The following MYLK variants were observed in gnomAD, a reference collection of about 807,000 sequenced individuals.
MYLK encodes myosin light chain kinase.
In MYLK, 106 loss-of-function variants were observed where a neutral mutation model predicts 203.4. The ratio of observed to expected loss-of-function variants is 0.52; its 90% CI spans 0.45 to 0.61. The LOEUF is 0.61. Among genes scored for constraint, MYLK ranks in the 20% least tolerant of loss-of-function variants. MYLK has a pLI of 0.00. For synonymous variants in MYLK, 867 were observed against 959.5 expected (o/e 0.90, Z 1.78); for missense variants, 2,072 against 2,442.3 (o/e 0.85, Z 3.20).
chr3:123,876,184 A>AT (rs920326603), intron 2 of MYLK, among the ~76,000 whole-genome samples: 18 of 150,412 alleles, frequency 1.2e-4, no homozygotes, highest in East Asian at 5.8e-4. Flanking sequence ...TCACTGGGGT[A>AT]TTTTTTTTTT....
At chr3:123,710,384 C>T (rs368351617) in intron 13 of MYLK, among the ~76,000 whole-genome samples, 225 of 152,204 alleles carry the variant, frequency 1.5e-3, no homozygotes, top group Non-Finnish European at 2.3e-3. Context: ...AATGAAAGCA[C>T]GTTACACAAA....
intron 13 of MYLK, among the ~76,000 whole-genome samples, chr3:123,718,051 G>A (rs1041479080): frequency 6.6e-6 from 1 of 151,848 alleles, no homozygotes; most frequent in African/African-American, 2.4e-5. Flanking sequence ...TTGTGGAGAC[G>A]GTGTGTTGCC....
chr3:123,870,482 C>A (rs1406360508), intron 2 of MYLK, among the ~76,000 whole-genome samples: 2 of 152,230 alleles, frequency 1.3e-5, no homozygotes, highest in African/African-American at 4.8e-5. Flanking sequence ...GTGGCCCTAC[C>A]CCTGAGAAGC....
intron 20 of MYLK, among the ~76,000 whole-genome samples, chr3:123,678,168 C>T (rs1576520510): frequency 6.6e-6 from 1 of 151,924 alleles, no homozygotes; most frequent in African/African-American, 2.4e-5. Flanking sequence ...AGTGCACAGG[C>T]ACTCGGTAGA....
chr3:123,735,102 C>T (rs2108798223), intron 9 of MYLK: 2 of 431,818 alleles, frequency 4.6e-6, no homozygotes, highest in South Asian at 4.3e-5. Context: ...GGAAGGCGGC[C>T]TTCTCAGAGC....
intron 4 of MYLK, among the ~76,000 whole-genome samples, chr3:123,791,910 T>G (rs970550695): frequency 2.0e-5 from 3 of 152,232 alleles, no homozygotes; most frequent in African/African-American, 7.2e-5. Context: ...ATGAAGTACT[T>G]TTACTATCTA....
At chr3:123,729,083 G>A (rs1317745404) in intron 11 of MYLK, among the ~76,000 whole-genome samples, 1 of 152,142 alleles carries the variant, frequency 6.6e-6, no homozygotes, top group Non-Finnish European at 1.5e-5. Flanking sequence ...AAATGGTTGT[G>A]CAGGGCTGTG....
intron 2 of MYLK, among the ~76,000 whole-genome samples, chr3:123,863,459 C>A (rs1290254424): frequency 6.6e-6 from 1 of 150,532 alleles, no homozygotes; most frequent in East Asian, 1.9e-4. Context: ...TTGCAAATCA[C>A]GTATCTGATA....
intron 4 of MYLK, among the ~76,000 whole-genome samples, chr3:123,756,502 T>C (rs2063363857): frequency 6.6e-6 from 1 of 152,154 alleles, no homozygotes; most frequent in African/African-American, 2.4e-5. Flanking sequence ...TTGTAATTCC[T>C]TCCTTGTATT....
At chr3:123,804,250 C>G (rs540755801) in intron 3 of MYLK, among the ~76,000 whole-genome samples, 94 of 152,188 alleles carry the variant, frequency 6.2e-4, no homozygotes, top group African/African-American at 2.2e-3. Flanking sequence ...TTGCAGGGGG[C>G]AGGGAGGGAA....
At chr3:123,677,033 A>T (rs949966038) in intron 20 of MYLK, among the ~76,000 whole-genome samples, 11 of 152,064 alleles carry the variant, frequency 7.2e-5, no homozygotes, top group Non-Finnish European at 1.3e-4. Context: ...AATTCCCAAG[A>T]ACTCCCCTGG....
intron 2 of MYLK, among the ~76,000 whole-genome samples, chr3:123,875,600 T>C (rs181461696): frequency 1.8e-4 from 28 of 152,336 alleles, no homozygotes; most frequent in Non-Finnish European, 2.6e-4. Flanking sequence ...CATAATTATG[T>C]ATTAATTGTT....
At chr3:123,853,015 C>T (rs1014809670) in intron 2 of MYLK, among the ~76,000 whole-genome samples, 7 of 151,930 alleles carry the variant, frequency 4.6e-5, no homozygotes, top group Non-Finnish European at 1.0e-4. Flanking sequence ...TTTGTTAAGG[C>T]CTCTGAAGGA....
At position 123,791,016 on chromosome 3, in the gene MYLK, G is replaced by A. The variant is rs541745679; in HGVS notation, c.165+2661C>T. ...GTCACTCATAAGAGGTTCTGCAAGA[G>A]CTCAGTTACCAGAGAAATGTGCTCC... On this transcript the variant is annotated intron_variant, in intron 4 of 33. Transcript: ENST00000360304. Among the ~76,000 whole-genome samples the A allele has an allele frequency of 2.0e-4, 30 of 152,322 alleles. 1 individual carries two copies. The South Asian group carries it at 2.1e-3, about 11-fold the overall frequency.
intron 4 of MYLK, among the ~76,000 whole-genome samples, chr3:123,782,398 T>C (rs1027264938): frequency 6.6e-6 from 1 of 152,232 alleles, no homozygotes; most frequent in African/African-American, 2.4e-5. Flanking sequence ...TGTTTTATTT[T>C]TCTTTGTATC....
intron 5 of MYLK, among the ~76,000 whole-genome samples, chr3:123,751,480 GT>G (rs1553832979): frequency 6.6e-6 from 1 of 152,184 alleles, no homozygotes; most frequent in Non-Finnish European, 1.5e-5. Context: ...ACATTGATGT[GT>G]TTACTTCCTA....
chr3:123,780,748 A>G (rs1427443075), intron 4 of MYLK, among the ~76,000 whole-genome samples: 1 of 152,192 alleles, frequency 6.6e-6, no homozygotes, highest in Non-Finnish European at 1.5e-5. Context: ...ATTTAAATCC[A>G]TCCCTGCTCA....
At chr3:123,730,245 C>CCAAG (rs1361045561) in intron 11 of MYLK, among the ~76,000 whole-genome samples, 2 of 151,980 alleles carry the variant, frequency 1.3e-5, no homozygotes, top group African/African-American at 4.8e-5. Flanking sequence ...AAGCAAGAAA[C>CCAAG]CAAGCAAGCA....
rs543096804 is a variant in MYLK at position 123,765,051 on chromosome 3, A to T, written c.166-12513T>A. 3.2e-4 allele frequency among the ~76,000 whole-genome samples: 49 copies of T among 151,884 alleles called. No individual in the cohort carries two copies. In the South Asian group the frequency reaches 4.6e-3, roughly 14 times the overall value. On this transcript the variant is annotated intron_variant, in intron 4 of 33. Transcript: ENST00000360304. ...TCATTTTAAGGACACCATTATTTTT[A>T]AAAAAAGCAATAGAAAATAACAAGT...
Sources: gnomAD v4.1 joint callset for allele counts (sites outside exome capture counted in the v4.1 genomes callset) on GRCh38, gnomAD v4.1.1 for gene constraint, MANE v1.5 for transcripts, NCBI Gene and HGNC (gene_info 2026-07-23, HGNC 2026-07-21) for gene names.